The following TNS1 variants were observed in gnomAD, a reference collection of about 807,000 sequenced individuals.
The protein encoded by TNS1 is tensin 1, also known as tensin-1.
TNS1 carries 62 observed loss-of-function variants against 168.6 expected under a neutral mutation model. The ratio of observed to expected loss-of-function variants is 0.37; its 90% CI spans 0.30 to 0.45. The LOEUF (loss-of-function observed/expected upper bound fraction) is 0.45. TNS1 is among the 20% of genes least tolerant of loss of function. The pLI is 1.00. For missense variants in TNS1, 2,240 were observed against 2,339.4 expected (o/e 0.96, Z 0.88); for synonymous variants, 934 against 933.2 (o/e 1.00, Z -0.02).
At chr2:217,946,413 T>C (rs1957106431) in intron 3 of TNS1, among the ~76,000 whole-genome samples, 2 of 152,196 alleles carry the variant, frequency 1.3e-5, no homozygotes, top group South Asian at 4.1e-4. Context: ...TGACACATAG[T>C]AGAGTCTCAA....
At chr2:217,964,450 G>C (rs147189323) in intron 3 of TNS1, among the ~76,000 whole-genome samples, 1 of 152,266 alleles carries the variant, frequency 6.6e-6, no homozygotes, top group African/African-American at 2.4e-5. Flanking sequence ...TCAAGTCCCC[G>C]GTCCTGGTTC....
chr2:217,988,185 C>T (rs966223974), intron 2 of TNS1, among the ~76,000 whole-genome samples: 1 of 152,214 alleles, frequency 6.6e-6, no homozygotes, highest in African/African-American at 2.4e-5. Context: ...CCCTCCAGAG[C>T]CCAGCCAGAG....
At chr2:217,851,247 T>TCAGC in intron 18 of TNS1, among the ~76,000 whole-genome samples, 1 of 151,704 alleles carries the variant, frequency 6.6e-6, no homozygotes. Context: ...TGCCCAAGGA[T>TCAGC]CAGCCCTTAG....
intron 18 of TNS1, among the ~76,000 whole-genome samples, chr2:217,867,240 A>G (rs375769325): frequency 3.3e-5 from 5 of 152,328 alleles, no homozygotes; most frequent in East Asian, 3.9e-4. Context: ...GGGAGCATCA[A>G]TTAATACAGT....
chr2:217,851,642 A>G (rs1175704746), intron 18 of TNS1, among the ~76,000 whole-genome samples: 1 of 152,094 alleles, frequency 6.6e-6, no homozygotes, highest in East Asian at 1.9e-4. Context: ...CTGAACTGAA[A>G]AGGGGTTTTG....
chr2:217,803,395 C>T lies in TNS1; in HGVS notation c.*1064G>A, dbSNP rs975977121. ...AGGGGCATGAAACCCAATAACAAGG[C>T]TGAGAGGTGGGAGCTAAGGCAGAGT... is the stretch of plus-strand genomic sequence containing the variant. On this transcript the variant is annotated 3_prime_UTR_variant, in exon 33 of 33. Coordinates refer to ENST00000682258, the MANE Select transcript of TNS1 (RefSeq NM_001387777.1). The T allele has an allele frequency of 3.9e-5, 6 of 152,284 alleles. No homozygotes were observed. The highest frequency in any genetic ancestry group is 1.4e-4 in the African/African-American group (6 of 41,430). 9.4% of individuals were successfully genotyped at this position (152,284 alleles called of 1,614,324 possible).
chr2:217,944,869 G>A (rs781652910), intron 3 of TNS1, among the ~76,000 whole-genome samples: 2 of 152,210 alleles, frequency 1.3e-5, no homozygotes, highest in Non-Finnish European at 2.9e-5. Flanking sequence ...GGGAAGTGAT[G>A]TGAAAAGTTT....
chr2:217,809,695 A>G, intron 30 of TNS1, 128 bp downstream of exon 30: 1 of 980,154 alleles, frequency 1.0e-6, no homozygotes, highest in East Asian at 2.5e-5. Context: ...TGCAAGATAG[A>G]TGGATGAGAA....
At chr2:217,869,113 C>T (rs1291763055) in intron 18 of TNS1, among the ~76,000 whole-genome samples, 2 of 152,212 alleles carry the variant, frequency 1.3e-5, no homozygotes, top group East Asian at 3.9e-4. Context: ...CATAAACAGC[C>T]TCAGAACTGT....
At chr2:217,991,787 C>A (rs115614083) in intron 1 of TNS1, among the ~76,000 whole-genome samples, 1,983 of 152,272 alleles carry the variant, frequency 0.013, 43 homozygotes, top group African/African-American at 0.045. Context: ...ACCCTCTCCA[C>A]CATCCCCTGC....
intron 19 of TNS1, among the ~76,000 whole-genome samples, chr2:217,839,198 G>A (rs559769058): frequency 2.0e-5 from 3 of 152,300 alleles, no homozygotes; most frequent in South Asian, 4.1e-4. Flanking sequence ...AGGCCGTGTG[G>A]CCAGAGGAAG....
rs771425034 is a variant in TNS1, at chr2:217,804,456, G to T, written c.*3C>A. ...GGCACTGGCCCTGGGCAAGGGGCAG[G>T]GTTCATCTCTTTTGGCCGGCATTCA... On this transcript the variant is annotated 3_prime_UTR_variant, in exon 33 of 33. Coordinates refer to ENST00000682258, the MANE Select transcript of TNS1 (RefSeq NM_001387777.1). 4 of 1,614,086 alleles carry T rather than the reference G, an allele frequency of 2.5e-6. No homozygotes were observed. The highest frequency in any genetic ancestry group is 3.4e-6 in the Non-Finnish European group (4 of 1,179,982).
rs1011606440 is a variant in TNS1 at position 217,952,988 on chromosome 2, C to T, written c.186+25777G>A. Among the ~76,000 whole-genome samples, 15 of 152,340 alleles carry T rather than the reference C, an allele frequency of 9.8e-5. No homozygotes were observed. The South Asian group carries it at 1.2e-3, about 13-fold the overall frequency. ...ATCACCATAGGGAGGAGCTCAATGA[C>T]GTCAACCCTAGACAGGGCTCCAGCT... On this transcript the variant is annotated intron_variant, in intron 3 of 32. Coordinates refer to ENST00000682258, the MANE Select transcript of TNS1 (RefSeq NM_001387777.1).
chr2:217,951,903 C>A (rs545864896), intron 3 of TNS1, among the ~76,000 whole-genome samples: 3 of 152,364 alleles, frequency 2.0e-5, no homozygotes, highest in African/African-American at 7.2e-5. Context: ...TGGTTCTGAT[C>A]CTTTTCCAGT....
rs1406346552 is a variant in TNS1, at chr2:218,002,735, AC to A, written c.33+104del. 1.8e-5 allele frequency: 8 copies of A among 453,594 alleles called. No homozygotes were observed. In the East Asian group the frequency reaches 4.2e-4, roughly 24 times the overall value. 28.1% of individuals were successfully genotyped at this position (453,594 alleles called of 1,614,324 possible). A position where few individuals can be genotyped will look rare whatever the true frequency, so the allele number is the denominator to read the frequency against. ...GAAAGGCCCCTCCTTCAAGACTGAC[AC>A]CCCCCGACCCCGGGCTCTCAGCAAA... On this transcript the variant is annotated intron_variant, in intron 1 of 32. Coordinates refer to ENST00000682258, the MANE Select transcript of TNS1 (RefSeq NM_001387777.1).
At chr2:217,967,863 CA>C (rs1274337811) in intron 3 of TNS1, among the ~76,000 whole-genome samples, 1 of 152,148 alleles carries the variant, frequency 6.6e-6, no homozygotes, top group African/African-American at 2.4e-5. Flanking sequence ...AACTACCGTC[CA>C]ATATCTCTTT....
intron 3 of TNS1, among the ~76,000 whole-genome samples, chr2:217,963,276 GC>G (rs969647757): frequency 2.9e-4 from 44 of 152,194 alleles, no homozygotes; most frequent in African/African-American, 8.0e-4. Flanking sequence ...AACAGAACTG[GC>G]CCAGGGATAA....
rs1421151929 is a variant in TNS1 at position 217,801,239 on chromosome 2, A to G, written c.*3220T>C. ...TGATAGCAGGCTGATCAAACCGCTCACTTCCTCCCTGTTTTCCTTCGCAGG... is the reference window on the plus strand; with the variant it reads ...TGATAGCAGGCTGATCAAACCGCTCGCTTCCTCCCTGTTTTCCTTCGCAGG... On this transcript the variant is annotated 3_prime_UTR_variant, in exon 33 of 33. Transcript: ENST00000682258. 6.6e-6 allele frequency: 1 copy of G among 152,214 alleles called. No homozygotes were observed. The highest frequency in any genetic ancestry group is 1.5e-5 in the Non-Finnish European group (1 of 68,060). 9.4% of individuals were successfully genotyped at this position (152,214 alleles called of 1,614,324 possible).
intron 22 of TNS1, among the ~76,000 whole-genome samples, chr2:217,830,752 G>A (rs1944302437): frequency 1.3e-5 from 2 of 152,256 alleles, no homozygotes; most frequent in Non-Finnish European, 2.9e-5. Flanking sequence ...AGCATCGGGA[G>A]TAGGGATGGG....
Sources: gnomAD v4.1 joint callset for allele counts (sites outside exome capture counted in the v4.1 genomes callset) on GRCh38, gnomAD v4.1.1 for gene constraint, MANE v1.5 for transcripts, NCBI Gene and HGNC (gene_info 2026-07-23, HGNC 2026-07-21) for gene names.